The following FARSB variants were observed in gnomAD, a reference collection of about 807,000 sequenced individuals.
The protein encoded by FARSB is phenylalanine--tRNA ligase beta subunit.
In FARSB, 40 loss-of-function variants were observed where a neutral mutation model predicts 69.6. The ratio of observed to expected loss-of-function variants is 0.57; its 90% CI spans 0.45 to 0.75. The LOEUF (loss-of-function observed/expected upper bound fraction) is 0.75. FARSB is among the 30% of genes least tolerant of loss of function. The pLI is 0.00. For missense variants in FARSB, 632 were observed against 722.9 expected (o/e 0.87, Z 1.44); for synonymous variants, 235 against 247.2 (o/e 0.95, Z 0.46).
At chr2:222,587,241 G>A (rs192202246) in intron 16 of FARSB, among the ~76,000 whole-genome samples, 55 of 152,176 alleles carry the variant, frequency 3.6e-4, no homozygotes, top group African/African-American at 5.1e-4. Flanking sequence ...ACTGGACAAC[G>A]TGCTCCTGAA....
intron 2 of FARSB, among the ~76,000 whole-genome samples, chr2:222,645,325 T>A (rs1691820848): frequency 6.6e-6 from 1 of 152,154 alleles, no homozygotes; most frequent in African/African-American, 2.4e-5. Flanking sequence ...TCACATAATT[T>A]CAAACATAAT....
intron 15 of FARSB, among the ~76,000 whole-genome samples, chr2:222,604,004 C>G (rs947124562): frequency 6.6e-6 from 1 of 151,822 alleles, no homozygotes; most frequent in Non-Finnish European, 1.5e-5. Context: ...ATCACAAGGT[C>G]AGGAGATCGA....
intron 10 of FARSB, among the ~76,000 whole-genome samples, chr2:222,626,243 C>CAAAAAAAAAAAAAA (rs36117232): frequency 1.8e-5 from 1 of 56,972 alleles, no homozygotes; most frequent in Non-Finnish European, 3.3e-5. Context: ...GACTCCATCT[C>CAAAAAAAAAAAAAA]AAAAAAAAAA....
intron 7 of FARSB, among the ~76,000 whole-genome samples, chr2:222,632,662 G>C (rs1691463213): frequency 6.6e-6 from 1 of 152,012 alleles, no homozygotes; most frequent in Non-Finnish European, 1.5e-5. Context: ...TATATAACTA[G>C]GCAAGGCCAG....
At chr2:222,629,010 T>A in intron 9 of FARSB, 122 bp from the exon 10 acceptor site, 1 of 707,830 alleles carries the variant, frequency 1.4e-6, no homozygotes, top group South Asian at 1.7e-5. Context: ...ACTCCATCTA[T>A]CGCATTCCAG....
At chr2:222,575,225 C>T (rs1466716349) in intron 16 of FARSB, among the ~76,000 whole-genome samples, 22 of 152,004 alleles carry the variant, frequency 1.4e-4, no homozygotes, top group Admixed American at 1.4e-3. Context: ...ACTAATGTGC[C>T]GTAAAGCAGA....
rs752525584 is a variant in FARSB at position 222,640,971 on chromosome 2, A to T, written c.270-40T>A. ...AAATGAATTTACTCATAATTAATCA[A>T]GACATTATATAAAATAATTACATTC... On this transcript the variant is annotated intron_variant, in intron 3 of 16. Coordinates refer to ENST00000281828, the MANE Select transcript of FARSB (RefSeq NM_005687.5). The T allele has an allele frequency of 5.0e-6, 5 of 994,198 alleles. No homozygotes were observed. In the African/African-American group the frequency reaches 8.4e-5, roughly 17 times the overall value. 61.6% of individuals were successfully genotyped at this position (994,198 alleles called of 1,614,324 possible).
At chr2:222,655,668 G>A (rs192175041) in intron 1 of FARSB, among the ~76,000 whole-genome samples, 91 of 152,354 alleles carry the variant, frequency 6.0e-4, no homozygotes, top group African/African-American at 1.9e-3. Flanking sequence ...TTCCCACAGC[G>A]CTGCTATTGC....
intron 1 of FARSB, 83 bp from the exon 2 acceptor site, chr2:222,648,878 C>T: frequency 1.1e-6 from 1 of 894,230 alleles, no homozygotes; most frequent in East Asian, 2.4e-5. Context: ...TTTCTTATTA[C>T]TAATTGCCTT....
intron 15 of FARSB, among the ~76,000 whole-genome samples, chr2:222,613,274 G>T (rs568557374): frequency 6.6e-6 from 1 of 152,334 alleles, no homozygotes; most frequent in Admixed American, 6.5e-5. Context: ...TACTAAAGTA[G>T]TTGGGCGCCA....
At chr2:222,655,541 A>T (rs1692151254) in intron 1 of FARSB, among the ~76,000 whole-genome samples, 2 of 152,210 alleles carry the variant, frequency 1.3e-5, no homozygotes, top group Non-Finnish European at 2.9e-5. Flanking sequence ...CTAAGCTCTT[A>T]GAACAGTGCC....
intron 16 of FARSB, among the ~76,000 whole-genome samples, chr2:222,586,414 T>C (rs1346159830): frequency 1.3e-5 from 2 of 152,138 alleles, no homozygotes; most frequent in Admixed American, 6.5e-5. Flanking sequence ...ACATACCAAA[T>C]TGTAAAGACC....
chr2:222,650,417 G>A lies in FARSB; in HGVS notation c.59-1622C>T, dbSNP rs539656628. ...GAGTCTACTGCAATAGTACAGATGCGATAGTGAAGACTTCATTTAAAGCAG... is the reference window on the plus strand; with the variant it reads ...GAGTCTACTGCAATAGTACAGATGCAATAGTGAAGACTTCATTTAAAGCAG... On this transcript the variant is annotated intron_variant, in intron 1 of 16. Coordinates refer to ENST00000281828, the MANE Select transcript of FARSB (RefSeq NM_005687.5). Among the ~76,000 whole-genome samples the A allele has an allele frequency of 1.6e-3, 237 of 152,224 alleles. 1 individual carries two copies. The highest frequency in any genetic ancestry group is 5.2e-3 in the African/African-American group (215 of 41,518).
At position 222,569,989 on chromosome 2, in the gene FARSB, T is replaced by G. The variant is rs1481116080; in HGVS notation, c.*1882A>C. Among the ~76,000 whole-genome samples the G allele has an allele frequency of 6.6e-6, 1 of 152,120 alleles. No homozygotes were observed. The highest frequency in any genetic ancestry group is 1.9e-4 in the East Asian group (1 of 5,184). On this transcript the variant is annotated 3_prime_UTR_variant, in exon 17 of 17. Transcript: ENST00000281828. ...GTTTTCTAAAGTCACAATGTAACAT[T>G]TTACATTGTGACTCACCAGCAGTGC...
Position 222,637,052 on chromosome 2 carries a change from AT to A in FARSB, c.456-2512del, listed in dbSNP as rs1047652192. 3.9e-5 allele frequency among the ~76,000 whole-genome samples: 6 copies of A among 152,194 alleles called. 1 individual carries two copies. The highest frequency in any genetic ancestry group is 4.1e-4 in the South Asian group (2 of 4,820). ...AAATATCTGCAGAAAAGAAGGAACT[AT>A]TTTTTTTAAAAGGCAGTGGATTGCA... On this transcript the variant is annotated intron_variant, in intron 5 of 16. Transcript: ENST00000281828.
intron 16 of FARSB, among the ~76,000 whole-genome samples, chr2:222,589,309 T>C (rs920101904): frequency 1.8e-4 from 27 of 152,182 alleles, no homozygotes; most frequent in African/African-American, 6.5e-4. Flanking sequence ...TGGCTAGCCA[T>C]ATGTAGAAAG....
At chr2:222,638,565 G>C (rs1691641176) in intron 5 of FARSB, among the ~76,000 whole-genome samples, 1 of 152,074 alleles carries the variant, frequency 6.6e-6, no homozygotes, top group South Asian at 2.1e-4. Flanking sequence ...TACAAGGACT[G>C]GGAATAAATG....
intron 1 of FARSB, among the ~76,000 whole-genome samples, chr2:222,650,651 G>A (rs560463141): frequency 1.3e-5 from 2 of 152,052 alleles, no homozygotes; most frequent in Admixed American, 6.5e-5. Flanking sequence ...CCTCCAAGAC[G>A]GCCTGTTCCA....
intron 14 of FARSB, among the ~76,000 whole-genome samples, chr2:222,615,546 C>T (rs943345040): frequency 4.6e-5 from 7 of 152,230 alleles, no homozygotes; most frequent in African/African-American, 1.4e-4. Flanking sequence ...CACTGGTCAG[C>T]AAGATTTCCA....
Sources: allele counts gnomAD v4.1 joint callset (sites outside exome capture counted in the v4.1 genomes callset), GRCh38; gene constraint gnomAD v4.1.1; transcripts MANE v1.5; gene names NCBI Gene and HGNC (gene_info 2026-07-23, HGNC 2026-07-21).